The following IRAK1BP1 variants were observed in gnomAD, a reference collection of about 807,000 sequenced individuals.
IRAK1BP1 encodes the protein interleukin 1 receptor associated kinase 1 binding protein 1, also known as interleukin-1 receptor-associated kinase 1-binding protein 1.
IRAK1BP1 carries 24 observed loss-of-function variants against 28.0 expected under a neutral mutation model. The ratio of observed to expected loss-of-function variants is 0.86; its 90% CI spans 0.62 to 1.20. The LOEUF (loss-of-function observed/expected upper bound fraction) is 1.20. IRAK1BP1 is among the 50% of genes most tolerant of loss of function. The pLI is 0.00. For missense variants in IRAK1BP1, 336 were observed against 316.7 expected, an observed-to-expected ratio of 1.06 and a Z score of -0.46; for synonymous variants, 131 against 116.3, an observed-to-expected ratio of 1.13 and a Z score of -0.81.
At chr6:78,965,406 A>G in the IRAK1BP1 span, among the ~76,000 whole-genome samples, 3 of 152,234 alleles carry the variant, frequency 2.0e-5, no homozygotes, top group Admixed American at 2.0e-4. Context: ...TAAAGTTACA[A>G]AAGTGTCTCT....
At chr6:78,972,799 G>T in the IRAK1BP1 span, among the ~76,000 whole-genome samples, 1 of 152,044 alleles carries the variant, frequency 6.6e-6, no homozygotes, top group African/African-American at 2.4e-5. Flanking sequence ...TGAAATGAAT[G>T]AAATGAAGCG....
At chr6:78,879,370 A>T (rs757568319) in intron 1 of IRAK1BP1, among the ~76,000 whole-genome samples, 4 of 152,172 alleles carry the variant, frequency 2.6e-5, no homozygotes, top group African/African-American at 4.8e-5. Flanking sequence ...TTAAAAAAAT[A>T]AAAAAATCAC....
downstream of IRAK1BP1, among the ~76,000 whole-genome samples, chr6:78,905,825 T>C (rs983347692): frequency 3.3e-5 from 5 of 152,052 alleles, no homozygotes; most frequent in East Asian, 9.7e-4. Context: ...ATGGTGTCGA[T>C]CTCCTGACCT....
chr6:78,921,709 A>T (rs1772734907), intron 4 of IRAK1BP1, among the ~76,000 whole-genome samples: 1 of 152,080 alleles, frequency 6.6e-6, no homozygotes, highest in Non-Finnish European at 1.5e-5. Context: ...ACGGGCAGGT[A>T]CTCCTCTGAG....
chr6:78,896,365 C>T (rs1394375854), intron 2 of IRAK1BP1, among the ~76,000 whole-genome samples: 1 of 146,986 alleles, frequency 6.8e-6, no homozygotes, highest in Non-Finnish European at 1.5e-5. Context: ...GTGATTAGAT[C>T]ATGTAACGAA....
At chr6:78,893,306 GTGTGTGTGTATATATA>G (rs1562085741) in intron 2 of IRAK1BP1, among the ~76,000 whole-genome samples, 21 of 97,856 alleles carry the variant, frequency 2.1e-4, no homozygotes, top group African/African-American at 6.3e-4. Context: ...GTGTGTGTGT[GTGTGTGTGTATATATA>G]TATATATATA....
the IRAK1BP1 span, chr6:78,961,858 TA>T: frequency 6.3e-6 from 9 of 1,434,106 alleles, no homozygotes; most frequent in Non-Finnish European, 8.6e-6. Flanking sequence ...ATGCCTAAAA[TA>T]ATTCAAGAAG....
chr6:78,978,783 A>G, the IRAK1BP1 span: 10 of 1,200,796 alleles, frequency 8.3e-6, no homozygotes, highest in Admixed American at 9.3e-5. Flanking sequence ...ACTCTTTAAA[A>G]TAACTATAAA....
At chr6:78,970,629 T>C in the IRAK1BP1 span, 1 of 549,398 alleles carries the variant, frequency 1.8e-6, no homozygotes, top group African/African-American at 2.0e-5. Flanking sequence ...GGATGAAAAT[T>C]AAACACCTCC....
At chr6:78,874,545 A>G (rs965633505) in intron 1 of IRAK1BP1, among the ~76,000 whole-genome samples, 1 of 152,308 alleles carries the variant, frequency 6.6e-6, no homozygotes, top group Admixed American at 6.5e-5. Context: ...TTCATAAAGC[A>G]TTTGTAGGGC....
chr6:78,957,516 A>C, the IRAK1BP1 span: 1 of 151,788 alleles, frequency 6.6e-6, no homozygotes, highest in Non-Finnish European at 1.5e-5. Context: ...CAGTTAAAAC[A>C]CATTAATCAA....
intron 4 of IRAK1BP1, among the ~76,000 whole-genome samples, chr6:78,932,419 TTC>T (rs1280609802): frequency 4.9e-5 from 6 of 121,906 alleles, no homozygotes; most frequent in South Asian, 3.5e-4. Flanking sequence ...TTCTTTCTTT[TTC>T]TTTTTTTTTT....
the IRAK1BP1 span, among the ~76,000 whole-genome samples, chr6:78,967,453 T>C: frequency 6.6e-6 from 1 of 152,190 alleles, no homozygotes; most frequent in African/African-American, 2.4e-5. Flanking sequence ...GAACAATATC[T>C]GTAGAATAAC....
intron 1 of IRAK1BP1, among the ~76,000 whole-genome samples, chr6:78,880,247 G>T (rs1289466748): frequency 1.3e-5 from 2 of 152,048 alleles, no homozygotes; most frequent in Non-Finnish European, 2.9e-5. Context: ...TTTTTATTTT[G>T]GAATATTTGC....
intron 1 of IRAK1BP1, chr6:78,872,167 T>G (rs1451483404): frequency 4.3e-6 from 3 of 696,040 alleles, no homozygotes; most frequent in African/African-American, 1.8e-5. Flanking sequence ...CTAGAGTTTC[T>G]CTGCAGGATT....
downstream of IRAK1BP1, among the ~76,000 whole-genome samples, chr6:78,950,757 G>C (rs1774096505): frequency 6.6e-6 from 1 of 151,918 alleles, no homozygotes; most frequent in Admixed American, 6.6e-5. Flanking sequence ...TCTTAACAGA[G>C]GCTTGTCAAT....
chr6:78,909,792 A>G (rs994003755), intron 4 of IRAK1BP1, among the ~76,000 whole-genome samples: 9 of 152,372 alleles, frequency 5.9e-5, no homozygotes, highest in Middle Eastern at 6.8e-3. Context: ...AAATATTTAT[A>G]GCAGGAGACA....
chr6:78,916,459 G>C (rs1465394105), intron 4 of IRAK1BP1, among the ~76,000 whole-genome samples: 1 of 152,030 alleles, frequency 6.6e-6, no homozygotes, highest in Non-Finnish European at 1.5e-5. Context: ...CAGTGTGGTG[G>C]GGGGAGGGAA....
the IRAK1BP1 span, among the ~76,000 whole-genome samples, chr6:78,971,663 G>A: frequency 6.2e-4 from 95 of 152,212 alleles, 1 homozygote; most frequent in South Asian, 7.9e-3. Flanking sequence ...GCAGGTCAGT[G>A]GGTGCGCGCA....
Sources: gnomAD v4.1 joint callset for allele counts (sites outside exome capture counted in the v4.1 genomes callset) on GRCh38, gnomAD v4.1.1 for gene constraint, MANE v1.5 for transcripts, NCBI Gene and HGNC (gene_info 2026-07-23, HGNC 2026-07-21) for gene names.